The following SAMMSON variants were observed in gnomAD, a reference collection of about 807,000 sequenced individuals.
SAMMSON encodes long intergenic non-protein coding RNA 1212.
intron 6 of SAMMSON, among the ~76,000 whole-genome samples, chr3:70,253,679 C>A (rs1701789689): frequency 6.6e-6 from 1 of 152,124 alleles, no homozygotes; most frequent in South Asian, 2.1e-4. Context: ...GCTATGATAA[C>A]ACCACTGTAC....
intron 7 of SAMMSON, among the ~76,000 whole-genome samples, chr3:70,303,033 T>C (rs78702174): frequency 0.038 from 5,832 of 152,266 alleles, 156 homozygotes; most frequent in East Asian, 0.08. Context: ...AGAATCAAAA[T>C]GATTTTGACA....
chr3:70,312,401 G>A (rs1702461564), intron 7 of SAMMSON: 1 of 152,332 alleles, frequency 6.6e-6, no homozygotes, highest in South Asian at 2.1e-4. Context: ...TTTATTGGGT[G>A]GGAATAAGAA....
At chr3:70,013,240 TG>T (rs553219239) in intron 2 of SAMMSON, among the ~76,000 whole-genome samples, 76 of 152,274 alleles carry the variant, frequency 5.0e-4, no homozygotes, top group Non-Finnish European at 9.3e-4. Context: ...TTTTTAGGTT[TG>T]TAGTCTTGCC....
chr3:70,212,623 G>C (rs919350000), intron 4 of SAMMSON, among the ~76,000 whole-genome samples: 7 of 151,968 alleles, frequency 4.6e-5, no homozygotes, highest in African/African-American at 1.7e-4. Context: ...CATTGGCTCT[G>C]AATACAGTGA....
At chr3:70,096,262 TG>T (rs1287563301) in intron 4 of SAMMSON, among the ~76,000 whole-genome samples, 3 of 152,114 alleles carry the variant, frequency 2.0e-5, no homozygotes, top group Non-Finnish European at 4.4e-5. Flanking sequence ...TAGACAGTCT[TG>T]GCTGGTGCAG....
intron 8 of SAMMSON, among the ~76,000 whole-genome samples, chr3:70,357,875 T>C (rs1306402411): frequency 7.2e-5 from 11 of 152,204 alleles, no homozygotes; most frequent in Non-Finnish European, 1.0e-4. Context: ...TAATGGGATA[T>C]GATTTTTCCT....
At chr3:70,110,118 G>T (rs1426782766) in intron 4 of SAMMSON, among the ~76,000 whole-genome samples, 1 of 152,186 alleles carries the variant, frequency 6.6e-6, no homozygotes. Flanking sequence ...TGGAAGTGGA[G>T]ATACACAGAA....
At chr3:70,265,170 C>A (rs1701904661) in intron 6 of SAMMSON, among the ~76,000 whole-genome samples, 1 of 152,144 alleles carries the variant, frequency 6.6e-6, no homozygotes, top group Admixed American at 6.5e-5. Context: ...GGTGGGGACA[C>A]AGCCAAACCA....
intron 2 of SAMMSON, among the ~76,000 whole-genome samples, chr3:70,408,623 C>CT (rs1174489129): frequency 6.6e-6 from 1 of 152,110 alleles, no homozygotes; most frequent in Non-Finnish European, 1.5e-5. Flanking sequence ...CAGCCTGGAC[C>CT]TTATTGTCCA....
chr3:70,195,355 C>G (rs916118571), intron 4 of SAMMSON, among the ~76,000 whole-genome samples: 2 of 152,252 alleles, frequency 1.3e-5, no homozygotes, highest in African/African-American at 4.8e-5. Context: ...ACATGGTCAT[C>G]AAACAGGAAT....
At chr3:70,111,278 A>G (rs1472301073) in intron 4 of SAMMSON, among the ~76,000 whole-genome samples, 1 of 152,206 alleles carries the variant, frequency 6.6e-6, no homozygotes, top group Non-Finnish European at 1.5e-5. Flanking sequence ...ACACTTTTTA[A>G]AACCAATTCG....
chr3:70,261,336 C>G (rs1208126119), intron 6 of SAMMSON, among the ~76,000 whole-genome samples: 1 of 152,154 alleles, frequency 6.6e-6, no homozygotes, highest in African/African-American at 2.4e-5. Flanking sequence ...TCATCATAAT[C>G]TAACAACTAT....
At chr3:70,055,739 A>T (rs1292111775) in intron 3 of SAMMSON, among the ~76,000 whole-genome samples, 2 of 152,076 alleles carry the variant, frequency 1.3e-5, no homozygotes, top group African/African-American at 4.8e-5. Flanking sequence ...AAAAGGAGAG[A>T]TTAATTTCCC....
At chr3:70,358,422 T>C (rs992290411) in intron 9 of SAMMSON, 1 of 152,168 alleles carries the variant, frequency 6.6e-6, no homozygotes, top group Non-Finnish European at 1.5e-5. Context: ...GGCCATTTAA[T>C]ATTTACCAGC....
At chr3:70,157,522 A>G (rs1054159079) in intron 4 of SAMMSON, among the ~76,000 whole-genome samples, 7 of 152,136 alleles carry the variant, frequency 4.6e-5, no homozygotes, top group Non-Finnish European at 8.8e-5. Flanking sequence ...AATGCTTAGA[A>G]GGAGCTTGAA....
intron 4 of SAMMSON, among the ~76,000 whole-genome samples, chr3:70,119,514 A>T (rs1576126712): frequency 1.3e-5 from 2 of 152,248 alleles, no homozygotes; most frequent in Non-Finnish European, 2.9e-5. Flanking sequence ...AAAAACATGT[A>T]CATTACCTCA....
At chr3:70,172,355 G>A (rs1700966046) in intron 4 of SAMMSON, 1 of 150,680 alleles carries the variant, frequency 6.6e-6, no homozygotes, top group Non-Finnish European at 1.5e-5. Context: ...AGAGTTTATG[G>A]TCCCACCTGC....
intron 4 of SAMMSON, among the ~76,000 whole-genome samples, chr3:70,244,403 A>C (rs1440230656): frequency 6.6e-6 from 1 of 152,236 alleles, no homozygotes; most frequent in Admixed American, 6.5e-5. Flanking sequence ...TCAAAAGGGC[A>C]TTCTATTTGC....
chr3:70,091,477 A>T (rs369664360), intron 4 of SAMMSON, among the ~76,000 whole-genome samples: 44 of 152,178 alleles, frequency 2.9e-4, no homozygotes, highest in African/African-American at 9.9e-4. Flanking sequence ...ATTTTTGTCA[A>T]CTTTATGGCA....
Sources: gnomAD v4.1 joint callset for allele counts (sites outside exome capture counted in the v4.1 genomes callset) on GRCh38, gnomAD v4.1.1 for gene constraint, MANE v1.5 for transcripts, NCBI Gene and HGNC (gene_info 2026-07-23, HGNC 2026-07-21) for gene names.